Variants in IGSF3 observed in about 807,000 individuals in gnomAD.
IGSF3 encodes the protein glu-Trp-Ile EWI motif-containing protein 3.
IGSF3 carries 23 observed loss-of-function variants against 114.4 expected under a neutral mutation model. That is an observed-to-expected ratio of 0.20 (90% CI 0.14 to 0.28). The LOEUF (loss-of-function observed/expected upper bound fraction) is 0.28. IGSF3 is among the 10% of genes least tolerant of loss of function. IGSF3 has a pLI of 1.00. For missense variants in IGSF3, 1,172 were observed against 1,591.5 expected (o/e 0.74, Z 4.48); for synonymous variants, 571 against 645.2 (o/e 0.88, Z 1.74).
intron 4 of IGSF3, among the ~76,000 whole-genome samples, chr1:116,609,910 C>A (rs1189311560): frequency 6.6e-6 from 1 of 152,182 alleles, no homozygotes; most frequent in Non-Finnish European, 1.5e-5. Context: ...GCCCCTCCCC[C>A]CGATATAGGC....
intron 1 of IGSF3, among the ~76,000 whole-genome samples, chr1:116,667,217 G>A (rs1198354927): frequency 6.6e-6 from 1 of 152,124 alleles, no homozygotes; most frequent in East Asian, 1.9e-4. Flanking sequence ...ACCTCCTACC[G>A]AGCCCGGGCG....
At position 116,588,145 on chromosome 1, in the gene IGSF3, G is replaced by A. The variant is rs1013753063; in HGVS notation, c.2440+549C>T. Among the ~76,000 whole-genome samples, 5 of 152,190 alleles carry A rather than the reference G, an allele frequency of 3.3e-5. No individual in the cohort carries two copies. The highest frequency in any genetic ancestry group is 1.2e-4 in the African/African-American group (5 of 41,440). ...CCCTCCCTGGAAGCATTCTGGCAGA[G>A]GTTGAGTGCCACCTGTGAGGGAGAG... On this transcript the variant is annotated intron_variant, in intron 8 of 10. Transcript: ENST00000369486. This position sits in a 1 kb window ranked among gnomAD's most constrained non-coding sequence, Gnocchi z 4.9.
In IGSF3 at chr1:116,622,084, G is replaced by A. The variant is rs532164540; in HGVS notation, c.44-5627C>T. ...AGGATCCAACTTATATGTTCAAGAT[G>A]CGTGACTGAGCATGTGAAAGTGTCA... is the stretch of plus-strand genomic sequence containing the variant. On this transcript the variant is annotated intron_variant, in intron 2 of 10. Coordinates refer to ENST00000369486, the MANE Select transcript of IGSF3 (RefSeq NM_001007237.3). Among the ~76,000 whole-genome samples, 9 of 152,272 alleles carry A rather than the reference G, an allele frequency of 5.9e-5. No homozygotes were observed. In the East Asian group the frequency reaches 1.7e-3, roughly 29 times the overall value.
At chr1:116,640,651 A>C (rs560521935) in intron 2 of IGSF3, among the ~76,000 whole-genome samples, 9 of 152,318 alleles carry the variant, frequency 5.9e-5, no homozygotes, top group Admixed American at 5.9e-4. Context: ...ACCATGGTCC[A>C]CTGTCTGAAT....
rs1408875931 is a variant in IGSF3, at chr1:116,574,431, G to C, written c.*2881C>G. The C allele has an allele frequency of 6.6e-6, 1 of 152,504 alleles. No homozygotes were observed. Among genetic ancestry groups the C allele is most frequent in the Non-Finnish European group, 1.5e-5 (1 of 68,016 alleles). The allele number at this position is 152,504 out of a possible 1,614,324, so 9.4% of individuals were successfully genotyped here. A position where few individuals can be genotyped will look rare whatever the true frequency, so the allele number is the denominator to read the frequency against. ...CGTATTTTCAACATAATTTACTACA[G>C]GTCTCTGAAGTGTATATAAAATGTT... is the stretch of plus-strand genomic sequence containing the variant. On this transcript the variant is annotated 3_prime_UTR_variant, in exon 11 of 11. Coordinates refer to ENST00000369486, the MANE Select transcript of IGSF3 (RefSeq NM_001007237.3). The surrounding 1 kb of genome is among the most constrained non-coding windows in gnomAD (Gnocchi z 5.2).
chr1:116,583,776 T>A lies in IGSF3; in HGVS notation c.2848+869A>T, dbSNP rs1257816070. ...GAATCCTGCACATCGTAGCTTTGAT[T>A]ATGTGTTTAAATGTGCAACAACAAT... On this transcript the variant is annotated intron_variant, in intron 9 of 10. Transcript: ENST00000369486. The surrounding 1 kb of genome is among the most constrained non-coding windows in gnomAD (Gnocchi z 4.5). 6.6e-6 allele frequency among the ~76,000 whole-genome samples: 1 copy of A among 151,918 alleles called. No individual in the cohort carries two copies. The highest frequency in any genetic ancestry group is 1.5e-5 in the Non-Finnish European group (1 of 67,860).
chr1:116,591,887 T>A (rs1660127377), intron 7 of IGSF3, among the ~76,000 whole-genome samples: 1 of 152,194 alleles, frequency 6.6e-6, no homozygotes, highest in Non-Finnish European at 1.5e-5. Flanking sequence ...AAGAACAATG[T>A]CTCTATCTCC....
chr1:116,576,482 C>T lies in IGSF3; in HGVS notation c.*830G>A, dbSNP rs1490456115. 6.5e-6 allele frequency: 1 copy of T among 152,736 alleles called. No individual in the cohort carries two copies. The highest frequency in any genetic ancestry group is 1.9e-4 in the East Asian group (1 of 5,190). The allele number at this position is 152,736 out of a possible 1,614,324, so 9.5% of individuals were successfully genotyped here. A position where few individuals can be genotyped will look rare whatever the true frequency, so the allele number is the denominator to read the frequency against. ...AGGTCAGCAGCTGCTAAAAGCAGCC[C>T]CTGCCCACTTTAATTTGGAAAGTGT... On this transcript the variant is annotated 3_prime_UTR_variant, in exon 11 of 11. Coordinates refer to ENST00000369486, the MANE Select transcript of IGSF3 (RefSeq NM_001007237.3). The surrounding 1 kb of genome is among the most constrained non-coding windows in gnomAD (Gnocchi z 4.6).
Position 116,642,216 on chromosome 1 carries a change from T to G in IGSF3, c.43+24068A>C, listed in dbSNP as rs1441623591. Among the ~76,000 whole-genome samples, 3 of 152,306 alleles carry G rather than the reference T, an allele frequency of 2.0e-5. No individual in the cohort carries two copies. In the East Asian group the frequency reaches 5.8e-4, roughly 29 times the overall value. ...CATCTGATTTTTGATTTTTAACATGTGCATGGATTACCTCTTATTAGAAAA... is the reference window on the plus strand; with the variant it reads ...CATCTGATTTTTGATTTTTAACATGGGCATGGATTACCTCTTATTAGAAAA... On this transcript the variant is annotated intron_variant, in intron 2 of 10. Coordinates refer to ENST00000369486, the MANE Select transcript of IGSF3 (RefSeq NM_001007237.3). This position sits in a 1 kb window ranked among gnomAD's most constrained non-coding sequence, Gnocchi z 5.4.
At position 116,607,707 on chromosome 1, in the gene IGSF3, C is replaced by G. The variant is rs141072260; in HGVS notation, c.1222+235G>C. Among the ~76,000 whole-genome samples the G allele has an allele frequency of 1.3e-5, 2 of 152,202 alleles. No individual in the cohort carries two copies. The highest frequency in any genetic ancestry group is 2.9e-5 in the Non-Finnish European group (2 of 68,040). On this transcript the variant is annotated intron_variant, in intron 5 of 10. Coordinates refer to ENST00000369486, the MANE Select transcript of IGSF3 (RefSeq NM_001007237.3). This position sits in a 1 kb window ranked among gnomAD's most constrained non-coding sequence, Gnocchi z 6.1. ...AGATAGGCCTATGCCCAGCCCTAGA[C>G]TGCCCTGATTCTGGACACCCCTGAT...
rs1318688724 is a variant in IGSF3, at chr1:116,629,756, A to C, written c.44-13299T>G. Among the ~76,000 whole-genome samples, 1 of 152,046 alleles carries C rather than the reference A, an allele frequency of 6.6e-6. No homozygotes were observed. Among genetic ancestry groups the C allele is most frequent in the Non-Finnish European group, 1.5e-5 (1 of 68,022 alleles). On this transcript the variant is annotated intron_variant, in intron 2 of 10. Coordinates refer to ENST00000369486, the MANE Select transcript of IGSF3 (RefSeq NM_001007237.3). This position sits in a 1 kb window ranked among gnomAD's most constrained non-coding sequence, Gnocchi z 4.3. ...ACAAGGGCCTGGTTGAACAGGTTTG[A>C]CCTCATTTACTTTTTCTTAAAGCTG...
intron 2 of IGSF3, among the ~76,000 whole-genome samples, chr1:116,630,403 G>A (rs548216428): frequency 6.6e-6 from 1 of 152,346 alleles, no homozygotes; most frequent in African/African-American, 2.4e-5. Flanking sequence ...AGCCAAATCT[G>A]CAGCAAACTA....
At position 116,642,170 on chromosome 1, in the gene IGSF3, AT is replaced by A. The variant is rs1648136040; in HGVS notation, c.43+24113del. Reference sequence around the variant, plus strand: ...TTTACTTTGAAATATAGAACATTTCATTTTTTTCCCACACACCTCGCATCTG... The same window carrying A: ...TTTACTTTGAAATATAGAACATTTCATTTTTTCCCACACACCTCGCATCTG... On this transcript the variant is annotated intron_variant, in intron 2 of 10. Transcript: ENST00000369486. The surrounding 1 kb of genome is among the most constrained non-coding windows in gnomAD (Gnocchi z 5.4). Among the ~76,000 whole-genome samples the A allele has an allele frequency of 6.6e-6, 1 of 151,716 alleles. No homozygotes were observed. The highest frequency in any genetic ancestry group is 1.5e-5 in the Non-Finnish European group (1 of 67,948).
rs758068716 is a variant in IGSF3 at position 116,600,169 on chromosome 1, C to T, written c.1801G>A (p.Asp601Asn). 1.2e-6 allele frequency: 2 copies of T among 1,614,006 alleles called. No homozygotes were observed. The highest frequency in any genetic ancestry group is 1.3e-5 in the African/African-American group (1 of 74,936). The part of the protein sequence containing the change: ...EFHDLVTFTR[D>N]GGVQWGDRSS... ...CTGTCCCCCCACTGGACCCCTCCGTCCCGGGTGAAGGTCACCAAGTCATGG... is the reference window on the plus strand; with the variant it reads ...CTGTCCCCCCACTGGACCCCTCCGTTCCGGGTGAAGGTCACCAAGTCATGG... The change falls in exon 7 of 11, where the codon GAC (aspartate) becomes AAC (asparagine). Residue 601 changes from aspartate to asparagine, a missense_variant. Transcript: ENST00000369486. The surrounding 1 kb of genome is among the most constrained non-coding windows in gnomAD (Gnocchi z 5.5).
intron 4 of IGSF3, among the ~76,000 whole-genome samples, chr1:116,611,559 C>T (rs936591554): frequency 6.6e-5 from 10 of 152,006 alleles, no homozygotes; most frequent in Non-Finnish European, 1.3e-4. Context: ...TCATCACACA[C>T]ATCTGGAACT....
rs1448703579 is a variant in IGSF3 at position 116,605,873 on chromosome 1, G to C, written c.1223-1848C>G. On this transcript the variant is annotated intron_variant, in intron 5 of 10. Transcript: ENST00000369486. The surrounding 1 kb of genome is among the most constrained non-coding windows in gnomAD (Gnocchi z 5.1). ...ACTCTCATCCCCTACTGTCATCCCA[G>C]TGGACGCTTATCCAAGTCCTGGCTC... Among the ~76,000 whole-genome samples the C allele has an allele frequency of 6.6e-6, 1 of 152,212 alleles. No homozygotes were observed. Among genetic ancestry groups the C allele is most frequent in the Non-Finnish European group, 1.5e-5 (1 of 68,044 alleles).
At chr1:116,617,947 A>G (rs1661281915) in intron 2 of IGSF3, among the ~76,000 whole-genome samples, 1 of 152,210 alleles carries the variant, frequency 6.6e-6, no homozygotes, top group African/African-American at 2.4e-5. Context: ...TCCCCCACAA[A>G]TGGGAATGGC....
chr1:116,579,775 G>C lies in IGSF3; in HGVS notation c.2951C>G (p.Ser984Cys). 1 of 1,614,100 alleles carries C rather than the reference G, an allele frequency of 6.2e-7. No homozygotes were observed. The highest frequency in any genetic ancestry group is 8.5e-7 in the Non-Finnish European group (1 of 1,180,000). ...GGAATACCAGGCCACAGCGAAGCGG[G>C]AGTCCTGGCTGGAGCGGGACACGAT... ...CSIVSRSSQD[S>C]RFAVAWYSLR... The change falls in exon 10 of 11, where the codon TCC (serine) becomes TGC (cysteine). Residue 984 changes from serine to cysteine, a missense_variant. Ser to Cys is a moderately radical substitution (Grantham distance 112). This residue lies in a region of IGSF3 where 423 missense variants were observed against 509.8 expected (regional missense o/e 0.83). Transcript: ENST00000369486. This position sits in a 1 kb window ranked among gnomAD's most constrained non-coding sequence, Gnocchi z 6.4.
At chr1:116,581,518 A>G (rs916031805) in intron 9 of IGSF3, among the ~76,000 whole-genome samples, 1 of 152,118 alleles carries the variant, frequency 6.6e-6, no homozygotes, top group Non-Finnish European at 1.5e-5. Context: ...CTTTCCAAGT[A>G]TTGTCCTGGG....
Sources: allele counts gnomAD v4.1 joint callset (sites outside exome capture counted in the v4.1 genomes callset), GRCh38; gene constraint gnomAD v4.1.1; regional missense constraint gnomAD v4.1.1; non-coding constraint Gnocchi (gnomAD v3.1); transcripts MANE v1.5; gene names NCBI Gene and HGNC (gene_info 2026-07-23, HGNC 2026-07-21).